Variants in CACUL1 observed in about 807,000 individuals in gnomAD.
CACUL1 encodes CDK2 associated cullin domain 1.
In CACUL1, 13 loss-of-function variants were observed where a neutral mutation model predicts 45.2. The ratio of observed to expected loss-of-function variants is 0.29; its 90% CI spans 0.19 to 0.46. The LOEUF is 0.46. CACUL1 is among the 20% of genes least tolerant of loss of function. CACUL1 has a pLI of 1.00. For synonymous variants in CACUL1, 197 were observed against 174.2 expected (o/e 1.13, Z -1.03); for missense variants, 421 against 471.4 (o/e 0.89, Z 0.99).
intron 7 of CACUL1, among the ~76,000 whole-genome samples, chr10:118,688,744 A>G (rs1845232420): frequency 6.6e-6 from 1 of 152,178 alleles, no homozygotes; most frequent in South Asian, 2.1e-4. Context: ...AATCAATTCA[A>G]TTATGTAGGT....
chr10:118,748,330 C>G (rs1392148282), intron 1 of CACUL1, among the ~76,000 whole-genome samples: 1 of 152,098 alleles, frequency 6.6e-6, no homozygotes, highest in Non-Finnish European at 1.5e-5. Flanking sequence ...TCACTGCTTT[C>G]TATAAAAGTA....
At chr10:118,707,889 T>C (rs1228600618) in intron 3 of CACUL1, among the ~76,000 whole-genome samples, 2 of 152,154 alleles carry the variant, frequency 1.3e-5, no homozygotes, top group Admixed American at 1.3e-4. Flanking sequence ...GGCTCACACC[T>C]GTAATCCCAG....
intron 1 of CACUL1, among the ~76,000 whole-genome samples, chr10:118,748,688 C>G (rs1845867446): frequency 6.6e-6 from 1 of 152,052 alleles, no homozygotes; most frequent in African/African-American, 2.4e-5. Context: ...TTTGGTATAA[C>G]ACAAATATTC....
chr10:118,695,496 A>G (rs1032383935), intron 5 of CACUL1, among the ~76,000 whole-genome samples: 3 of 152,240 alleles, frequency 2.0e-5, no homozygotes, highest in African/African-American at 7.2e-5. Flanking sequence ...TAAAAGCACT[A>G]GTATAATGTA....
At chr10:118,731,051 C>A (rs1413441007) in intron 1 of CACUL1, among the ~76,000 whole-genome samples, 1 of 152,178 alleles carries the variant, frequency 6.6e-6, no homozygotes, top group Admixed American at 6.5e-5. Flanking sequence ...CTGAGGCTTA[C>A]TTCATTCCTA....
intron 1 of CACUL1, among the ~76,000 whole-genome samples, chr10:118,753,977 T>C (rs1845925695): frequency 6.6e-6 from 1 of 152,204 alleles, no homozygotes; most frequent in South Asian, 2.1e-4. Flanking sequence ...TTCTTTTCTC[T>C]CTCTGGCTGC....
At position 118,701,379 on chromosome 10, in the gene CACUL1, G is replaced by A. The variant is rs771492182; in HGVS notation, c.723C>T (p.Asn241=). ...MNKFYIETKL[N]RDLKDDLIKL... ...TTATAAGGTCATCTTTTAAGTCTCT[G>A]TTAAGCTTGGTTTCGATGTAAAACT... The change falls in exon 5 of 9, where the codon AAC becomes AAT. Residue 241 remains asparagine (N), a synonymous_variant. Coordinates refer to ENST00000369151, the MANE Select transcript of CACUL1 (RefSeq NM_153810.5). 18 of 1,564,598 alleles carry A rather than the reference G, an allele frequency of 1.2e-5. No homozygotes were observed. The Admixed American group carries it at 2.2e-4, about 20-fold the overall frequency.
intron 3 of CACUL1, chr10:118,726,218 T>C (rs762437988): frequency 3.4e-6 from 3 of 872,994 alleles, no homozygotes; most frequent in Non-Finnish European, 4.9e-6. Context: ...AAGGTCTCTA[T>C]AAAATAAAGA....
At chr10:118,749,144 T>C in intron 1 of CACUL1, among the ~76,000 whole-genome samples, 1 of 152,068 alleles carries the variant, frequency 6.6e-6, no homozygotes, top group East Asian at 1.9e-4. Flanking sequence ...CTGAAAAAAA[T>C]GCTGTGGTGG....
chr10:118,701,239 C>T, intron 5 of CACUL1, 67 bp downstream of exon 5: 1 of 756,212 alleles, frequency 1.3e-6, no homozygotes, highest in Non-Finnish European at 2.0e-6. Flanking sequence ...GCTCTCAGAC[C>T]AAAAAAAAAA....
chr10:118,728,525 G>A (rs952656301), intron 3 of CACUL1, among the ~76,000 whole-genome samples: 1 of 151,984 alleles, frequency 6.6e-6, no homozygotes, highest in Non-Finnish European at 1.5e-5. Context: ...TCCTGACTTC[G>A]TGATCTACCT....
chr10:118,687,803 C>G (rs996640642), intron 7 of CACUL1, among the ~76,000 whole-genome samples: 5 of 152,208 alleles, frequency 3.3e-5, no homozygotes, highest in African/African-American at 1.2e-4. Flanking sequence ...ACTGTCCACT[C>G]ATAGGACTTA....
chr10:118,740,905 G>A (rs1226196218), intron 1 of CACUL1, among the ~76,000 whole-genome samples: 3 of 147,678 alleles, frequency 2.0e-5, no homozygotes, highest in Admixed American at 1.4e-4. Flanking sequence ...CAGCCTGGGC[G>A]ACAGTGTGAG....
rs1478786169 is a variant in CACUL1 at position 118,680,282 on chromosome 10, T to TA, written c.*5845dup. The stretch of plus-strand genomic sequence containing the variant: ...TCTAGTAGAAAAGGTTTGTACTTAG[T>TA]AAAAAACAAACCTGCTAAAAGGGAA... On this transcript the variant is annotated 3_prime_UTR_variant, in exon 9 of 9. Coordinates refer to ENST00000369151, the MANE Select transcript of CACUL1 (RefSeq NM_153810.5). 6.6e-6 allele frequency: 1 copy of TA among 152,082 alleles called. No individual in the cohort carries two copies. Among genetic ancestry groups the TA allele is most frequent in the Non-Finnish European group, 1.5e-5 (1 of 68,020 alleles). 9.4% of individuals were successfully genotyped at this position (152,082 alleles called of 1,614,324 possible). A position where few individuals can be genotyped will look rare whatever the true frequency, so the allele number is the denominator to read the frequency against.
In CACUL1 at chr10:118,678,131, C is replaced by T. The variant is rs1845115516; in HGVS notation, c.*7997G>A. 1 of 152,142 alleles carries T rather than the reference C, an allele frequency of 6.6e-6. No individual in the cohort carries two copies. The highest frequency in any genetic ancestry group is 2.1e-4 in the South Asian group (1 of 4,818). 9.4% of individuals were successfully genotyped at this position (152,142 alleles called of 1,614,324 possible). A position where few individuals can be genotyped will look rare whatever the true frequency, so the allele number is the denominator to read the frequency against. On this transcript the variant is annotated 3_prime_UTR_variant, in exon 9 of 9. Transcript: ENST00000369151. ...CCATTTCTGTTTCTTCTGTGAAATG[C>T]CTGCTAGTGTTTGGGGTCCGTCTCT...
chr10:118,713,465 C>T (rs867617622), intron 3 of CACUL1, among the ~76,000 whole-genome samples: 10 of 152,228 alleles, frequency 6.6e-5, no homozygotes, highest in South Asian at 6.2e-4. Flanking sequence ...GCTACAGCAG[C>T]GTGATGGCAG....
chr10:118,707,946 A>T (rs1019302772), intron 3 of CACUL1, among the ~76,000 whole-genome samples: 2 of 151,882 alleles, frequency 1.3e-5, no homozygotes, highest in African/African-American at 4.8e-5. Context: ...TCAGGAGTTC[A>T]AGACCAGCCT....
In CACUL1 at chr10:118,714,769, T is replaced by G. The variant is rs1407166222; in HGVS notation, c.598-7182A>C. Among the ~76,000 whole-genome samples the G allele has an allele frequency of 2.0e-5, 3 of 152,212 alleles. No homozygotes were observed. The East Asian group carries it at 5.8e-4, about 29-fold the overall frequency. ...ATTTTTTAAAGTATAAAGTCACAATTTAATAAAATTAATAATTTTCTCTGT... is the reference window on the plus strand; with the variant it reads ...ATTTTTTAAAGTATAAAGTCACAATGTAATAAAATTAATAATTTTCTCTGT... On this transcript the variant is annotated intron_variant, in intron 3 of 8. Coordinates refer to ENST00000369151, the MANE Select transcript of CACUL1 (RefSeq NM_153810.5).
rs533726026 is a variant in CACUL1, at chr10:118,716,672, G to A, written c.598-9085C>T. ...GGCTGGAGTGCAGTGGCGCGATCTCGGCTCACTGCAAGCTCCACTTCCCAG... is the reference window on the plus strand; with the variant it reads ...GGCTGGAGTGCAGTGGCGCGATCTCAGCTCACTGCAAGCTCCACTTCCCAG... On this transcript the variant is annotated intron_variant, in intron 3 of 8. Coordinates refer to ENST00000369151, the MANE Select transcript of CACUL1 (RefSeq NM_153810.5). Among the ~76,000 whole-genome samples, 16 of 148,040 alleles carry A rather than the reference G, an allele frequency of 1.1e-4. 1 individual carries two copies. The South Asian group carries it at 2.6e-3, about 24-fold the overall frequency.
Sources: allele counts gnomAD v4.1 joint callset (sites outside exome capture counted in the v4.1 genomes callset), GRCh38; gene constraint gnomAD v4.1.1; transcripts MANE v1.5; gene names NCBI Gene and HGNC (gene_info 2026-07-23, HGNC 2026-07-21).